Variants in DSG4 observed in about 807,000 individuals in gnomAD.
DSG4 encodes the protein desmoglein-4.
DSG4 carries 87 observed loss-of-function variants against 93.1 expected under a neutral mutation model. The ratio of observed to expected loss-of-function variants is 0.93; its 90% CI spans 0.79 to 1.12. The LOEUF (loss-of-function observed/expected upper bound fraction) is 1.12. Among genes scored for constraint, DSG4 ranks in the 50% most tolerant of loss-of-function variants. The pLI, the probability that DSG4 is intolerant of heterozygous loss-of-function variation, is 0.00. For synonymous variants in DSG4, 432 were observed against 452.9 expected, an observed-to-expected ratio of 0.95 and a Z score of 0.59; for missense variants, 1,373 against 1,285.7, an observed-to-expected ratio of 1.07 and a Z score of -1.04.
intron 9 of DSG4, 132 bp downstream of exon 9, chr18:31,399,675 T>A: frequency 2.6e-6 from 3 of 1,170,694 alleles, no homozygotes; most frequent in Non-Finnish European, 2.5e-6. Flanking sequence ...TTTAAAAGAC[T>A]ATTAGAGCAT....
intron 1 of DSG4, among the ~76,000 whole-genome samples, chr18:31,377,638 G>T (rs1291943190): frequency 6.6e-6 from 1 of 152,114 alleles, no homozygotes; most frequent in Non-Finnish European, 1.5e-5. Flanking sequence ...CCCAAGGTGT[G>T]ACATGATTTC....
chr18:31,409,871 C>T, intron 14 of DSG4, 63 bp downstream of exon 14: 1 of 1,561,428 alleles, frequency 6.4e-7, no homozygotes, highest in Non-Finnish European at 8.8e-7. Context: ...ACCAGACCAA[C>T]TTCATGTAAA....
intron 9 of DSG4, 83 bp downstream of exon 9, chr18:31,399,626 T>C: frequency 6.3e-7 from 1 of 1,579,152 alleles, no homozygotes; most frequent in South Asian, 1.1e-5. Flanking sequence ...TTGGTTGTAA[T>C]ACTTTTGGAG....
At chr18:31,389,305 C>T (rs912267356) in intron 5 of DSG4, among the ~76,000 whole-genome samples, 6 of 152,108 alleles carry the variant, frequency 3.9e-5, no homozygotes, top group East Asian at 3.8e-4. Context: ...TAAATCCAAG[C>T]GAGCAAACTG....
intron 8 of DSG4, among the ~76,000 whole-genome samples, chr18:31,393,984 A>G (rs2072277443): frequency 6.6e-6 from 1 of 152,232 alleles, no homozygotes; most frequent in Non-Finnish European, 1.5e-5. Context: ...CTCAAAGAGT[A>G]TATCATGGAC....
Position 31,411,271 on chromosome 18 carries a change from A to C in DSG4, c.2178A>C (p.Glu726Asp), listed in dbSNP as rs757446998. 1 of 1,613,594 alleles carries C rather than the reference A, an allele frequency of 6.2e-7. No individual in the cohort carries two copies. Among genetic ancestry groups the C allele is most frequent in the Non-Finnish European group, 8.5e-7 (1 of 1,180,016 alleles). ...CCTATGCAGCCGGGGGCACGGTGGAAGGAGGTGTATCGGGAGTGGAGCTCA... is the reference window on the plus strand; with the variant it reads ...CCTATGCAGCCGGGGGCACGGTGGACGGAGGTGTATCGGGAGTGGAGCTCA... ...TNTYAAGGTV[E>D]GGVSGVELNT... The change falls in exon 15 of 16, where the codon GAA (glutamate) becomes GAC (aspartate). Residue 726 changes from glutamate to aspartate, a missense_variant. Physicochemically the swap from Glu to Asp is conservative, Grantham distance 45. Transcript: ENST00000308128.
intron 1 of DSG4, among the ~76,000 whole-genome samples, chr18:31,380,928 A>G (rs1220657155): frequency 6.6e-6 from 1 of 152,218 alleles, no homozygotes; most frequent in African/African-American, 2.4e-5. Flanking sequence ...TGTTCTCTCT[A>G]GAAGTAAGGA....
intron 11 of DSG4, among the ~76,000 whole-genome samples, chr18:31,404,579 C>T (rs1189315920): frequency 6.6e-6 from 1 of 152,064 alleles, no homozygotes; most frequent in Non-Finnish European, 1.5e-5. Flanking sequence ...ATACTTCCCA[C>T]CTCTTTAAGG....
rs1156900691 is a variant in DSG4 at position 31,391,102 on chromosome 18, G to A, written c.709G>A (p.Val237Met). Residue 237 changes from valine (V) to methionine (M), a missense_variant, in exon 7 of 16, where the codon GTG becomes ATG. Transcript: ENST00000308128. ...GCAACACAGTATGTACAACCTGGTTGTGAGAGGCTCAGATCGGGATGGAGC... is the reference window on the plus strand; with the variant it reads ...GCAACACAGTATGTACAACCTGGTTATGAGAGGCTCAGATCGGGATGGAGC... ...REQHSMYNLVVRGSDRDGAAD... is the reference protein window; with the variant it reads ...REQHSMYNLVMRGSDRDGAAD... 1 of 1,613,750 alleles carries A rather than the reference G, an allele frequency of 6.2e-7. No homozygotes were observed. Among genetic ancestry groups the A allele is most frequent in the Admixed American group, 1.7e-5 (1 of 59,992 alleles).
In DSG4 at chr18:31,409,440, T is replaced by G. The variant is rs766160121; in HGVS notation, c.1934-12T>G. 2.5e-6 allele frequency: 4 copies of G among 1,614,158 alleles called. No homozygotes were observed. The highest frequency in any genetic ancestry group is 1.7e-5 in the Admixed American group (1 of 60,028). On this transcript the variant is annotated splice_polypyrimidine_tract_variant and intron_variant, in intron 12 of 15. Coordinates refer to ENST00000308128, the MANE Select transcript of DSG4 (RefSeq NM_177986.5). ...ATGTGTGTTAACTCGACATTGTCAC[T>G]TTCTTGGGCAGTGGCTCCACTCTTG...
In DSG4 at chr18:31,411,302, G is replaced by A. The variant is rs771850569; in HGVS notation, c.2209G>A (p.Gly737Ser). The A allele has an allele frequency of 1.9e-6, 3 of 1,614,230 alleles. No homozygotes were observed. The highest frequency in any genetic ancestry group is 2.5e-6 in the Non-Finnish European group (3 of 1,180,052). The change falls in exon 15 of 16, where the codon GGT becomes AGT. Residue 737 changes from glycine (G) to serine (S), a missense_variant. Coordinates refer to ENST00000308128, the MANE Select transcript of DSG4 (RefSeq NM_177986.5). ...GGVSGVELNTGMGTAVGLMAA... is the reference protein window; with the variant it reads ...GGVSGVELNTSMGTAVGLMAA... ...TGTATCGGGAGTGGAGCTCAACACAGGTATGGGGACAGCCGTTGGCCTCAT... is the reference window on the plus strand; with the variant it reads ...TGTATCGGGAGTGGAGCTCAACACAAGTATGGGGACAGCCGTTGGCCTCAT...
intron 15 of DSG4, 139 bp downstream of exon 15, chr18:31,411,587 C>A: frequency 9.2e-7 from 1 of 1,090,166 alleles, no homozygotes; most frequent in Non-Finnish European, 1.3e-6. Flanking sequence ...AAAAGTATTT[C>A]ACGTCTCCTT....
In DSG4 at chr18:31,390,732, C is replaced by T; in HGVS notation, c.594C>T (p.Ile198=). ...TGAATTCTAAAATTGCCTACAAGAT[C>T]GTCTCTCAGGAGCCATCAGGTGCAC... ...NHLNSKIAYK[I]VSQEPSGAPM... The change falls in exon 6 of 16, where the codon ATC becomes ATT. Residue 198 remains isoleucine (I), a synonymous_variant. Transcript: ENST00000308128. 3.7e-6 allele frequency: 6 copies of T among 1,613,744 alleles called. No individual in the cohort carries two copies. The highest frequency in any genetic ancestry group is 1.1e-5 in the South Asian group (1 of 91,066).
At position 31,412,833 on chromosome 18, in the gene DSG4, G is replaced by C; in HGVS notation, c.2361G>C (p.Ala787=). The C allele has an allele frequency of 4.3e-6, 7 of 1,614,096 alleles. No homozygotes were observed. The highest frequency in any genetic ancestry group is 5.9e-6 in the Non-Finnish European group (7 of 1,180,006). Residue 787 remains alanine, a synonymous_variant, in exon 16 of 16, where the codon GCG becomes GCC. Transcript: ENST00000308128. ...AFLDSYFSEK[A]YAYADEDEGR... ...GTATTTCCTTTTAATTTTAGAAAGC[G>C]TATGCTTATGCAGATGAAGATGAAG... is the stretch of plus-strand genomic sequence containing the variant.
At chr18:31,388,124 T>C (rs1346093832) in intron 3 of DSG4, among the ~76,000 whole-genome samples, 1 of 152,148 alleles carries the variant, frequency 6.6e-6, no homozygotes, top group Non-Finnish European at 1.5e-5. Flanking sequence ...TAGCACCAAG[T>C]GTGTATGTTA....
At position 31,411,318 on chromosome 18, in the gene DSG4, T is replaced by C. The variant is rs776172817; in HGVS notation, c.2225T>C (p.Val742Ala). Residue 742 changes from valine (V) to alanine (A), a missense_variant, in exon 15 of 16, where the codon GTT (valine) becomes GCT (alanine). Val to Ala is a moderately conservative substitution (Grantham distance 64). Transcript: ENST00000308128. ...CTCAACACAGGTATGGGGACAGCCG[T>C]TGGCCTCATGGCCGCAGGGGCCGCA... Reference protein sequence around the residue: ...VELNTGMGTAVGLMAAGAAGA... With the variant: ...VELNTGMGTAAGLMAAGAAGA... 3 of 1,611,872 alleles carry C rather than the reference T, an allele frequency of 1.9e-6. No homozygotes were observed. Among genetic ancestry groups the C allele is most frequent in the Non-Finnish European group, 2.5e-6 (3 of 1,179,962 alleles).
rs185742349 is a variant in DSG4 at position 31,407,316 on chromosome 18, G to A, written c.1933+943G>A. Among the ~76,000 whole-genome samples the A allele has an allele frequency of 8.3e-4, 126 of 152,320 alleles. 1 individual carries two copies. Among genetic ancestry groups the A allele is most frequent in the Non-Finnish European group, 1.5e-3 (101 of 68,036 alleles). Reference sequence around the variant, plus strand: ...GAAGAGTTGATGAGGGCTGATGAGCGCAGGTGACCCTGCGGTAGGAAGCAA... The same window carrying A: ...GAAGAGTTGATGAGGGCTGATGAGCACAGGTGACCCTGCGGTAGGAAGCAA... On this transcript the variant is annotated intron_variant, in intron 12 of 15. Transcript: ENST00000308128.
chr18:31,409,931 G>T (rs2072467825), intron 14 of DSG4, 123 bp downstream of exon 14: 1 of 1,128,980 alleles, frequency 8.9e-7, no homozygotes, highest in East Asian at 2.5e-5. Flanking sequence ...AGTATAATTA[G>T]AGGGAATGTG....
At position 31,400,863 on chromosome 18, in the gene DSG4, T is replaced by G. The variant is rs1253464746; in HGVS notation, c.1278-18T>G. 1.2e-6 allele frequency: 2 copies of G among 1,610,806 alleles called. No individual in the cohort carries two copies. The highest frequency in any genetic ancestry group is 1.7e-6 in the Non-Finnish European group (2 of 1,178,184). On this transcript the variant is annotated intron_variant, in intron 9 of 15. Coordinates refer to ENST00000308128, the MANE Select transcript of DSG4 (RefSeq NM_177986.5). ...CTTTCATAAAAGCATGATAACGAAC[T>G]TTTTTATTTAAAAACAGATATATCA...
Sources: allele counts gnomAD v4.1 joint callset (sites outside exome capture counted in the v4.1 genomes callset), GRCh38; gene constraint gnomAD v4.1.1; transcripts MANE v1.5; gene names NCBI Gene and HGNC (gene_info 2026-07-23, HGNC 2026-07-21).